The following CHL1 variants were observed in gnomAD, a reference collection of about 807,000 sequenced individuals.
CHL1 encodes the protein neural cell adhesion molecule L1-like protein.
In CHL1, 96 loss-of-function variants were observed where a neutral mutation model predicts 141.9. The observed-to-expected ratio is 0.68, with a 90% CI of 0.57 to 0.80. The LOEUF is 0.80. Among genes scored for constraint, CHL1 ranks in the 30% least tolerant of loss-of-function variants. CHL1 has a pLI of 0.00. For synonymous variants in CHL1, 613 were observed against 502.2 expected (o/e 1.22, Z -2.95); for missense variants, 1,820 against 1,457.2 (o/e 1.25, Z -4.05).
intron 2 of CHL1, among the ~76,000 whole-genome samples, chr3:272,407 C>T (rs1393713106): frequency 6.6e-6 from 1 of 152,096 alleles, no homozygotes; most frequent in Non-Finnish European, 1.5e-5. Context: ...TCTATCTCAT[C>T]AATTTCAAGT....
intron 1 of CHL1, among the ~76,000 whole-genome samples, chr3:211,457 G>C (rs1414533093): frequency 6.6e-6 from 1 of 152,140 alleles, no homozygotes; most frequent in African/African-American, 2.4e-5. Context: ...TCTGAAAGTG[G>C]ATGAAGAACT....
intron 2 of CHL1, among the ~76,000 whole-genome samples, chr3:249,387 G>C (rs116510972): frequency 3.9e-5 from 6 of 152,028 alleles, no homozygotes; most frequent in African/African-American, 1.4e-4. Flanking sequence ...CTAAAGGAGG[G>C]AAAAAAATCA....
rs189982764 is a variant in CHL1 at position 317,568 on chromosome 3, C to A, written c.-94-2115C>A. Among the ~76,000 whole-genome samples, 360 of 150,948 alleles carry A rather than the reference C, an allele frequency of 2.4e-3. 2 individuals are homozygous for A. Among genetic ancestry groups the A allele is most frequent in the African/African-American group, 8.4e-3 (346 of 41,110 alleles). ...CCATCAGCATTGAAAACTAATGGAA[C>A]CGAGTATTAAATAATAACTAGATTG... On this transcript the variant is annotated intron_variant, in intron 2 of 27. Transcript: ENST00000256509.
chr3:291,104 C>T (rs1574974604), intron 2 of CHL1, among the ~76,000 whole-genome samples: 1 of 151,612 alleles, frequency 6.6e-6, no homozygotes. Context: ...TGCTGTAAAC[C>T]AGGGTTGCCT....
At chr3:276,653 G>T (rs890933364) in intron 2 of CHL1, among the ~76,000 whole-genome samples, 7 of 152,058 alleles carry the variant, frequency 4.6e-5, no homozygotes, top group Admixed American at 1.3e-4. Flanking sequence ...ACTTTGGGAG[G>T]CCGAGGGGGG....
At chr3:326,152 C>G in intron 4 of CHL1, 88 bp downstream of exon 4, 1 of 747,034 alleles carries the variant, frequency 1.3e-6, no homozygotes, top group South Asian at 2.1e-5. Flanking sequence ...GCCTGTTGGA[C>G]TATGAATCCA....
At chr3:321,028 C>A (rs2125042776) in intron 3 of CHL1, among the ~76,000 whole-genome samples, 1 of 152,124 alleles carries the variant, frequency 6.6e-6, no homozygotes, top group South Asian at 2.1e-4. Context: ...AGTGTTGGGA[C>A]TTAACTAAAA....
chr3:223,230 G>A (rs1163644299), intron 1 of CHL1, among the ~76,000 whole-genome samples: 1 of 152,134 alleles, frequency 6.6e-6, no homozygotes, highest in Non-Finnish European at 1.5e-5. Flanking sequence ...ACATTCGGGT[G>A]AAGTGTCATC....
At chr3:317,229 G>A (rs536966885) in intron 2 of CHL1, among the ~76,000 whole-genome samples, 2 of 151,992 alleles carry the variant, frequency 1.3e-5, no homozygotes, top group East Asian at 1.9e-4. Flanking sequence ...AATTTCTTGG[G>A]TCAAGACCAT....
At chr3:327,422 CA>C (rs201205681) in intron 4 of CHL1, among the ~76,000 whole-genome samples, 14,620 of 88,118 alleles carry the variant, frequency 0.17, 979 homozygotes, top group East Asian at 0.58. Flanking sequence ...TAACTGTGTA[CA>C]TTTTTTTTCT....
intron 19 of CHL1, among the ~76,000 whole-genome samples, chr3:386,279 G>A (rs534545418): frequency 1.3e-5 from 2 of 150,698 alleles, no homozygotes; most frequent in East Asian, 1.9e-4. Flanking sequence ...GAACAGACTG[G>A]ACATCCCTAA....
At chr3:349,582 A>G in intron 10 of CHL1, 39 bp downstream of exon 10, 1 of 1,547,928 alleles carries the variant, frequency 6.5e-7, no homozygotes, top group Non-Finnish European at 8.8e-7. Flanking sequence ...TGCTTTTCAA[A>G]AAAGTAACTG....
At chr3:218,047 T>C (rs1036840697) in intron 1 of CHL1, among the ~76,000 whole-genome samples, 1 of 152,160 alleles carries the variant, frequency 6.6e-6, no homozygotes, top group African/African-American at 2.4e-5. Context: ...TGTTGTAAAT[T>C]ATAACCCACA....
At chr3:273,272 T>A (rs1221367042) in intron 2 of CHL1, among the ~76,000 whole-genome samples, 1 of 152,188 alleles carries the variant, frequency 6.6e-6, no homozygotes, top group African/African-American at 2.4e-5. Context: ...TCAAAATGAA[T>A]TTGCTGTTTC....
chr3:265,650 T>A (rs1038366602), intron 2 of CHL1, among the ~76,000 whole-genome samples: 7 of 152,184 alleles, frequency 4.6e-5, no homozygotes, highest in Non-Finnish European at 1.0e-4. Context: ...TGATCTGTGA[T>A]CCTCATATTC....
At position 314,327 on chromosome 3, in the gene CHL1, GTGTATATATA is replaced by G. The variant is rs1245167487; in HGVS notation, c.-94-5354_-94-5345del. On this transcript the variant is annotated intron_variant, in intron 2 of 27. Transcript: ENST00000256509. ...TCTCTCTTTCTCTCTCTCTCTCTAT[GTGTATATATA>G]TATATATATATATATATATATATAT... is the stretch of plus-strand genomic sequence containing the variant. Among the ~76,000 whole-genome samples, 7 of 57,024 alleles carry G rather than the reference GTGTATATATA, an allele frequency of 1.2e-4. 2 individuals carry two copies. Among genetic ancestry groups the G allele is most frequent in the African/African-American group, 3.2e-4 (6 of 19,046 alleles). 37.4% of individuals were successfully genotyped at this position (57,024 alleles called of 152,430 possible).
At chr3:222,819 T>C (rs1413468152) in intron 1 of CHL1, among the ~76,000 whole-genome samples, 2 of 152,176 alleles carry the variant, frequency 1.3e-5, no homozygotes, top group African/African-American at 4.8e-5. Context: ...TTCTAAGGGA[T>C]TTTAATTCAA....
intron 5 of CHL1, among the ~76,000 whole-genome samples, chr3:338,665 T>C (rs569513381): frequency 2.0e-5 from 3 of 152,348 alleles, no homozygotes; most frequent in East Asian, 3.9e-4. Flanking sequence ...TAAGTATGCG[T>C]CCCTGTTTTC....
At chr3:259,832 C>T (rs1237432830) in intron 2 of CHL1, among the ~76,000 whole-genome samples, 1 of 152,126 alleles carries the variant, frequency 6.6e-6, no homozygotes, top group African/African-American at 2.4e-5. Flanking sequence ...GCTGGGCCTA[C>T]AGAATTAGAA....
Sources: allele counts gnomAD v4.1 joint callset (sites outside exome capture counted in the v4.1 genomes callset), GRCh38; gene constraint gnomAD v4.1.1; transcripts MANE v1.5; gene names NCBI Gene and HGNC (gene_info 2026-07-23, HGNC 2026-07-21).